ROBO2: variants seen among roughly 807,000 people sequenced by gnomAD.
ROBO2 encodes the protein roundabout homolog 2.
Under a neutral mutation model 160.8 loss-of-function variants are expected in ROBO2, and 53 were observed. The ratio of observed to expected loss-of-function variants is 0.33; its 90% confidence interval spans 0.26 to 0.41. The LOEUF is 0.41. Among genes scored for constraint, ROBO2 ranks in the 10% least tolerant of loss-of-function variants. ROBO2 has a pLI of 1.00. For missense variants in ROBO2, 1,577 were observed against 1,722.4 expected, an observed-to-expected ratio of 0.92 and a Z score of 1.49; for synonymous variants, 664 against 611.7, an observed-to-expected ratio of 1.09 and a Z score of -1.26.
chr3:77,395,927 T>C (rs2075238723), intron 2 of ROBO2, among the ~76,000 whole-genome samples: 1 of 152,054 alleles, frequency 6.6e-6, no homozygotes. Context: ...GCCCCCCTTT[T>C]TTTTTAACTT....
intron 2 of ROBO2, among the ~76,000 whole-genome samples, chr3:76,361,467 A>G (rs555113324): frequency 3.3e-5 from 5 of 152,146 alleles, no homozygotes; most frequent in African/African-American, 1.2e-4. Flanking sequence ...CATTATGCTT[A>G]TACTTCAAAG....
intron 2 of ROBO2, among the ~76,000 whole-genome samples, chr3:76,603,713 A>G (rs6768978): frequency 0.12 from 18,364 of 152,018 alleles, 1,307 homozygotes; most frequent in East Asian, 0.26. Context: ...AAGCTTCATA[A>G]CATGTGTGCT....
chr3:77,051,996 A>G (rs995491468), intron 1 of ROBO2, among the ~76,000 whole-genome samples: 1 of 152,214 alleles, frequency 6.6e-6, no homozygotes, highest in African/African-American at 2.4e-5. Flanking sequence ...TTGATAATCA[A>G]TTTGGGATCA....
chr3:76,075,472 A>ATATTT (rs2068615543), intron 2 of ROBO2, among the ~76,000 whole-genome samples: 2 of 143,506 alleles, frequency 1.4e-5, no homozygotes, highest in South Asian at 2.2e-4. Flanking sequence ...GACTTTTCCT[A>ATATTT]TTTTTTTTTT....
intron 2 of ROBO2, among the ~76,000 whole-genome samples, chr3:76,837,159 G>T (rs2067776189): frequency 6.6e-6 from 1 of 151,842 alleles, no homozygotes; most frequent in Non-Finnish European, 1.5e-5. Flanking sequence ...TTCATTTACA[G>T]TTGAAGCAAT....
chr3:77,397,689 T>C (rs557690552), intron 2 of ROBO2, among the ~76,000 whole-genome samples: 7 of 152,272 alleles, frequency 4.6e-5, no homozygotes, highest in Admixed American at 1.3e-4. Flanking sequence ...AAATGTTCAA[T>C]AGTATTCATA....
At chr3:77,301,287 A>C (rs1324291095) in intron 2 of ROBO2, among the ~76,000 whole-genome samples, 6 of 152,110 alleles carry the variant, frequency 3.9e-5, no homozygotes, top group African/African-American at 1.4e-4. Flanking sequence ...TCCTAATATT[A>C]TTACTAATAT....
chr3:76,203,533 C>T (rs562090690), intron 2 of ROBO2, among the ~76,000 whole-genome samples: 30 of 151,394 alleles, frequency 2.0e-4, no homozygotes, highest in Non-Finnish European at 3.4e-4. Context: ...CTCAGGCTAT[C>T]GGCTTCCCCC....
chr3:76,462,622 GAATA>G (rs1384743950), intron 2 of ROBO2, among the ~76,000 whole-genome samples: 1 of 145,314 alleles, frequency 6.9e-6, no homozygotes, highest in African/African-American at 2.6e-5. Context: ...AAAAAAAAAA[GAATA>G]AGATACACTA....
intron 6 of ROBO2, among the ~76,000 whole-genome samples, chr3:77,533,257 T>G (rs990228787): frequency 2.0e-5 from 3 of 152,166 alleles, no homozygotes; most frequent in African/African-American, 7.2e-5. Flanking sequence ...TAAGACTCTC[T>G]CCTCATCCTC....
chr3:76,023,586 CAG>C (rs979312285), intron 2 of ROBO2, among the ~76,000 whole-genome samples: 2 of 151,546 alleles, frequency 1.3e-5, no homozygotes, highest in Non-Finnish European at 3.0e-5. Context: ...CTTATATGTG[CAG>C]AGTGTATGGT....
At chr3:76,490,489 A>C (rs187866986) in intron 2 of ROBO2, among the ~76,000 whole-genome samples, 2 of 152,332 alleles carry the variant, frequency 1.3e-5, no homozygotes, top group Admixed American at 1.3e-4. Context: ...TATTTGACAC[A>C]AAGAAAAAGA....
At chr3:77,636,004 T>A (rs944981717) in intron 24 of ROBO2, among the ~76,000 whole-genome samples, 6 of 152,082 alleles carry the variant, frequency 3.9e-5, no homozygotes, top group African/African-American at 1.4e-4. Context: ...TATGATCACA[T>A]AGCGGAAGGG....
At chr3:77,406,870 ACTTT>A (rs1484125923) in intron 2 of ROBO2, among the ~76,000 whole-genome samples, 1 of 152,182 alleles carries the variant, frequency 6.6e-6, no homozygotes. Context: ...ACAGTACATG[ACTTT>A]CTCAAAGTTT....
At chr3:77,647,415 T>C (rs1432168680) in exon 26 of ROBO2, 1 of 152,042 alleles carries the variant, frequency 6.6e-6, no homozygotes, top group East Asian at 1.9e-4. Flanking sequence ...GTTTGACCCA[T>C]TTTGAATAAG....
chr3:76,610,192 T>C (rs1332715948), intron 2 of ROBO2, among the ~76,000 whole-genome samples: 1 of 152,220 alleles, frequency 6.6e-6, no homozygotes, highest in Admixed American at 6.5e-5. Context: ...CTGGTTTTGG[T>C]ATCAAGATAA....
In ROBO2 at chr3:77,546,539, C is replaced by T. The variant is rs369999367; in HGVS notation, c.1059+77C>T. 4 of 1,544,576 alleles carry T rather than the reference C, an allele frequency of 2.6e-6. No homozygotes were observed. In the African/African-American group the frequency reaches 5.4e-5, roughly 21 times the overall value. On this transcript the variant is annotated intron_variant, in intron 7 of 25. Coordinates refer to ENST00000461745, the Ensembl canonical transcript of ROBO2. ...CTGCTGCTCCTGAAAGCTTGCCTTG[C>T]TTCTCTTGTTCTCAATGTTTGAATT...
At chr3:77,103,987 T>G (rs1006862065) in intron 2 of ROBO2, among the ~76,000 whole-genome samples, 1 of 152,104 alleles carries the variant, frequency 6.6e-6, no homozygotes, top group African/African-American at 2.4e-5. Context: ...TTACACATCA[T>G]AAAGACACAA....
intron 2 of ROBO2, among the ~76,000 whole-genome samples, chr3:77,213,865 T>C (rs562008090): frequency 5.3e-5 from 8 of 152,246 alleles, no homozygotes; most frequent in East Asian, 1.9e-4. Flanking sequence ...GCAGGTTGTT[T>C]GGTTTCCATG....
Sources: allele counts gnomAD v4.1 joint callset (sites outside exome capture counted in the v4.1 genomes callset), GRCh38; gene constraint gnomAD v4.1.1; transcripts MANE v1.5; gene names NCBI Gene and HGNC (gene_info 2026-07-23, HGNC 2026-07-21).